The following RSL1D1 variants were observed in gnomAD, a reference collection of about 807,000 sequenced individuals.
RSL1D1 encodes the protein ribosomal L1 domain-containing protein 1.
In RSL1D1, 34 loss-of-function variants were observed where a neutral mutation model predicts 44.6. The observed-to-expected ratio is 0.76, with a 90% CI of 0.58 to 1.02. The LOEUF (loss-of-function observed/expected upper bound fraction) is 1.02, where lower values mean the gene tolerates loss of function less well. Among genes scored for constraint, RSL1D1 ranks in the 50% least tolerant of loss-of-function variants. The probability of loss-of-function intolerance (pLI) is 0.00; values close to 1 mark genes in which losing one functional copy is unlikely to be tolerated. For synonymous variants in RSL1D1, 271 were observed against 207.4 expected (o/e 1.31, Z -2.63); for missense variants, 767 against 568.1 (o/e 1.35, Z -3.56).
rs767597137 is a variant in RSL1D1, at chr16:11,839,965, T to C, written c.876A>G (p.Arg292=). Residue 292 remains arginine (R), a synonymous_variant, in exon 8 of 9, where the codon AGA becomes AGG. Coordinates refer to ENST00000571133, the MANE Select transcript of RSL1D1 (RefSeq NM_015659.3). ...CCTTTTGTTTTTCAAAATTTCTTTC[T>C]CTTCGTTTTCTCCTTGCCTCCTACC... is the stretch of plus-strand genomic sequence containing the variant. ...KKKKEARRKR[R]ERNFEKQKER... is the part of the protein sequence containing the mutation. 1 of 1,612,260 alleles carries C rather than the reference T, an allele frequency of 6.2e-7. No homozygotes were observed. The highest frequency in any genetic ancestry group is 1.3e-5 in the African/African-American group (1 of 74,736).
chr16:11,841,343 G>C (rs964221931), intron 7 of RSL1D1: 1 of 183,598 alleles, frequency 5.4e-6, no homozygotes, highest in African/African-American at 2.4e-5. Context: ...AGGAGGTCAA[G>C]GCTGCCGTGA....
chr16:11,846,094 C>G (rs1370063150), intron 5 of RSL1D1, among the ~76,000 whole-genome samples: 1 of 149,546 alleles, frequency 6.7e-6, no homozygotes, highest in Non-Finnish European at 1.5e-5. Flanking sequence ...GAGCCATTAA[C>G]AAAATCTTTT....
rs569627352 is a variant in RSL1D1, at chr16:11,837,701, A to T, written c.*86T>A. 6.6e-6 allele frequency: 8 copies of T among 1,205,564 alleles called. No homozygotes were observed. Among genetic ancestry groups the T allele is most frequent in the Non-Finnish European group, 9.4e-6 (8 of 849,120 alleles). The allele number at this position is 1,205,564 out of a possible 1,614,324, so 74.7% of individuals were successfully genotyped here. A position where few individuals can be genotyped will look rare whatever the true frequency, so the allele number is the denominator to read the frequency against. On this transcript the variant is annotated 3_prime_UTR_variant, in exon 9 of 9. Transcript: ENST00000571133. ...TTAAGTCCAGGCCTGACGTTTAGAGAAGGTTACAAAGGCGGCCAGGATCTG... is the reference window on the plus strand; with the variant it reads ...TTAAGTCCAGGCCTGACGTTTAGAGTAGGTTACAAAGGCGGCCAGGATCTG...
At chr16:11,844,004 G>A (rs2053782019) in intron 5 of RSL1D1, among the ~76,000 whole-genome samples, 1 of 152,176 alleles carries the variant, frequency 6.6e-6, no homozygotes, top group Admixed American at 6.5e-5. Context: ...AGCCTGGAGG[G>A]CTCAGCGCTG....
chr16:11,834,288 TCAGTA>T lies in RSL1D1; in HGVS notation c.*3494_*3498del, dbSNP rs1288883624. 6.6e-6 allele frequency: 1 copy of T among 152,240 alleles called. No homozygotes were observed. Among genetic ancestry groups the T allele is most frequent in the African/African-American group, 2.4e-5 (1 of 41,466 alleles). 9.4% of individuals were successfully genotyped at this position (152,240 alleles called of 1,614,324 possible). On this transcript the variant is annotated 3_prime_UTR_variant, in exon 9 of 9. Transcript: ENST00000571133. ...CAAACCATATACATACCACCATTTTTCAGTACAGTACTCATTACATGTGTCAACAC... is the reference window on the plus strand; with the variant it reads ...CAAACCATATACATACCACCATTTTTCAGTACTCATTACATGTGTCAACAC...
Position 11,851,388 on chromosome 16 carries a change from C to T in RSL1D1, c.105+20G>A. 1 of 1,611,456 alleles carries T rather than the reference C, an allele frequency of 6.2e-7. No homozygotes were observed. Among genetic ancestry groups the T allele is most frequent in the South Asian group, 1.1e-5 (1 of 91,006 alleles). ...AACCGCCACACTGCTTCCAAGCCAC[C>T]CTCCCCAGGAACCACTCACCTGTTC... On this transcript the variant is annotated intron_variant, in intron 1 of 8. Coordinates refer to ENST00000571133, the MANE Select transcript of RSL1D1 (RefSeq NM_015659.3).
Position 11,837,160 on chromosome 16 carries a change from G to A in RSL1D1, c.*627C>T, listed in dbSNP as rs1296628851. On this transcript the variant is annotated 3_prime_UTR_variant, in exon 9 of 9. Transcript: ENST00000571133. Reference sequence around the variant, plus strand: ...CACTAATTTTTTTTTTTCTTTTGTAGAGATGGGGTTTTACCAAGTTGCCCA... The same window carrying A: ...CACTAATTTTTTTTTTTCTTTTGTAAAGATGGGGTTTTACCAAGTTGCCCA... The A allele has an allele frequency of 1.3e-5, 2 of 151,240 alleles. No homozygotes were observed. Among genetic ancestry groups the A allele is most frequent in the Admixed American group, 6.6e-5 (1 of 15,150 alleles). The allele number at this position is 151,240 out of a possible 1,614,324, so 9.4% of individuals were successfully genotyped here.
At chr16:11,845,462 C>G (rs554703336) in intron 5 of RSL1D1, among the ~76,000 whole-genome samples, 1 of 152,330 alleles carries the variant, frequency 6.6e-6, no homozygotes, top group Admixed American at 6.5e-5. Context: ...TAGAACTAGT[C>G]ATGTTCTCCA....
At chr16:11,845,958 C>A (rs1214104562) in intron 5 of RSL1D1, among the ~76,000 whole-genome samples, 5 of 151,696 alleles carry the variant, frequency 3.3e-5, no homozygotes, top group Admixed American at 3.3e-4. Context: ...GTCTTGCACT[C>A]CTGGGCTCAA....
chr16:11,838,026 C>T lies in RSL1D1; in HGVS notation c.1234G>A (p.Ala412Thr). The change falls in exon 9 of 9, where the codon GCA becomes ACA. Residue 412 changes from alanine to threonine, a missense_variant. Ala to Thr is a moderately conservative substitution (Grantham distance 58, BLOSUM62 0). Transcript: ENST00000571133. Reference sequence around the variant, plus strand: ...TCTGCAGCTTTTGGGGTCTCAGATGCTGGCAAAGCCTTTCTTTTCTTCCCA... The same window carrying T: ...TCTGCAGCTTTTGGGGTCTCAGATGTTGGCAAAGCCTTTCTTTTCTTCCCA... ...PRGKKRKALPASETPKAAESE... is the reference protein window; with the variant it reads ...PRGKKRKALPTSETPKAAESE... 1 of 1,613,868 alleles carries T rather than the reference C, an allele frequency of 6.2e-7. No individual in the cohort carries two copies. The highest frequency in any genetic ancestry group is 8.5e-7 in the Non-Finnish European group (1 of 1,180,002).
intron 7 of RSL1D1, 65 bp from the exon 8 acceptor site, chr16:11,840,050 A>T: frequency 6.4e-7 from 1 of 1,564,398 alleles, no homozygotes; most frequent in Non-Finnish European, 8.6e-7. Context: ...AACGGCATAG[A>T]TGTACCACGT....
intron 5 of RSL1D1, among the ~76,000 whole-genome samples, chr16:11,846,287 C>T (rs1429190593): frequency 7.3e-5 from 11 of 150,418 alleles, no homozygotes; most frequent in African/African-American, 1.7e-4. Context: ...CCCAGCTACT[C>T]GGGAGGCTGA....
Position 11,836,756 on chromosome 16 carries a change from C to T in RSL1D1, c.*1031G>A, listed in dbSNP as rs2141249319. The T allele has an allele frequency of 1.3e-5, 2 of 152,326 alleles. No homozygotes were observed. Among genetic ancestry groups the T allele is most frequent in the East Asian group, 3.9e-4 (2 of 5,188 alleles). 9.4% of individuals were successfully genotyped at this position (152,326 alleles called of 1,614,324 possible). A position where few individuals can be genotyped will look rare whatever the true frequency, so the allele number is the denominator to read the frequency against. ...ACTCATAAGCTTAGACCAACAAGCT[C>T]AGCATGAAAGCCAAGAAACTTCTGT... On this transcript the variant is annotated 3_prime_UTR_variant, in exon 9 of 9. Transcript: ENST00000571133.
intron 2 of RSL1D1, chr16:11,849,362 G>A (rs987046072): frequency 2.7e-5 from 4 of 150,116 alleles, no homozygotes; most frequent in Admixed American, 6.7e-5. Context: ...TACTCCAGCT[G>A]GGCAACAGCG....
At chr16:11,841,433 A>C (rs1053573416) in intron 7 of RSL1D1, 2 of 314,276 alleles carry the variant, frequency 6.4e-6, no homozygotes, top group South Asian at 6.5e-5. Context: ...CAAGCACTGG[A>C]TCTAACAAAA....
Position 11,835,181 on chromosome 16 carries a change from G to C in RSL1D1, c.*2606C>G, listed in dbSNP as rs900983524. The C allele has an allele frequency of 6.6e-6, 1 of 150,400 alleles. No homozygotes were observed. The allele number at this position is 150,400 out of a possible 1,614,324, so 9.3% of individuals were successfully genotyped here. A position where few individuals can be genotyped will look rare whatever the true frequency, so the allele number is the denominator to read the frequency against. ...ACTCCTCTAATTTCAGGGAGAGCTAGATGTTTTTTTTTTTCTCTTTTTTTC... is the reference window on the plus strand; with the variant it reads ...ACTCCTCTAATTTCAGGGAGAGCTACATGTTTTTTTTTTTCTCTTTTTTTC... On this transcript the variant is annotated 3_prime_UTR_variant, in exon 9 of 9. Transcript: ENST00000571133.
At position 11,846,544 on chromosome 16, in the gene RSL1D1, T is replaced by A. The variant is rs762449799; in HGVS notation, c.592A>T (p.Ile198Leu). 44 of 1,606,776 alleles carry A rather than the reference T, an allele frequency of 2.7e-5. No homozygotes were observed. The highest frequency in any genetic ancestry group is 3.2e-5 in the Non-Finnish European group (38 of 1,176,738). ...KNLSREINDC[I>L]GGTVLNISKS... is the part of the protein sequence containing the mutation. ...GAAATGTTTAAGACTGTTCCACCTATACAGTCATTGATCTCTCTTGATAAA... is the reference window on the plus strand; with the variant it reads ...GAAATGTTTAAGACTGTTCCACCTAAACAGTCATTGATCTCTCTTGATAAA... Residue 198 changes from isoleucine to leucine, a missense_variant, in exon 5 of 9, where the codon ATA becomes TTA. Physicochemically the swap from Ile to Leu is conservative, Grantham distance 5. Transcript: ENST00000571133.
At position 11,846,125 on chromosome 16, in the gene RSL1D1, G is replaced by A. The variant is rs148922147; in HGVS notation, c.635+376C>T. Among the ~76,000 whole-genome samples the A allele has an allele frequency of 7.1e-3, 1,064 of 150,700 alleles. 14 individuals are homozygous for A. The highest frequency in any genetic ancestry group is 0.025 in the African/African-American group (1,014 of 41,272). On this transcript the variant is annotated intron_variant, in intron 5 of 8. Coordinates refer to ENST00000571133, the MANE Select transcript of RSL1D1 (RefSeq NM_015659.3). Reference sequence around the variant, plus strand: ...CTTTTTAAAAAGGCCAGGTGCAGTGGCTCACGCCTGTAATCCCAGCACTTT... The same window carrying A: ...CTTTTTAAAAAGGCCAGGTGCAGTGACTCACGCCTGTAATCCCAGCACTTT...
chr16:11,837,905 C>G lies in RSL1D1; in HGVS notation c.1355G>C (p.Arg452Thr), dbSNP rs2053733438. The change falls in exon 9 of 9, where the codon AGA becomes ACA. Residue 452 changes from arginine to threonine, a missense_variant. Transcript: ENST00000571133. ...KSPSLGKKDA[R>T]QTPKKPEAKF... ...GGCCTCTGGCTTTTTTGGAGTCTGTCTCGCATCTTTTTTCCCCAGCGAAGG... is the reference window on the plus strand; with the variant it reads ...GGCCTCTGGCTTTTTTGGAGTCTGTGTCGCATCTTTTTTCCCCAGCGAAGG... The G allele has an allele frequency of 1.9e-6, 3 of 1,614,026 alleles. No homozygotes were observed. The highest frequency in any genetic ancestry group is 2.5e-6 in the Non-Finnish European group (3 of 1,180,016).
Sources: allele counts gnomAD v4.1 joint callset (sites outside exome capture counted in the v4.1 genomes callset), GRCh38; gene constraint gnomAD v4.1.1; transcripts MANE v1.5; gene names NCBI Gene and HGNC (gene_info 2026-07-23, HGNC 2026-07-21).